PBRM1: variants seen among roughly 807,000 people sequenced by gnomAD.
PBRM1 encodes protein polybromo-1.
Under a neutral mutation model 194.5 loss-of-function variants are expected in PBRM1, and 27 were observed. That is an observed-to-expected ratio of 0.14 (90% confidence interval 0.10 to 0.19). PBRM1 has a LOEUF of 0.19. PBRM1 is among the 10% of genes least tolerant of loss of function. The pLI, the probability that PBRM1 is intolerant of heterozygous loss-of-function variation, is 1.00. For missense variants in PBRM1, 1,466 were observed against 2,077.2 expected (o/e 0.71, Z 5.72); for synonymous variants, 655 against 693.2 (o/e 0.94, Z 0.87).
At chr3:52,644,032 T>C (rs555173150) in intron 8 of PBRM1, among the ~76,000 whole-genome samples, 1 of 152,070 alleles carries the variant, frequency 6.6e-6, no homozygotes, top group East Asian at 1.9e-4. Context: ...GATCTCCTGA[T>C]ACCTGCTAAA....
chr3:52,600,179 G>A (rs2093891821), intron 17 of PBRM1, among the ~76,000 whole-genome samples: 1 of 151,910 alleles, frequency 6.6e-6, no homozygotes, highest in African/African-American at 2.4e-5. Context: ...ATCTATTTGG[G>A]GATCTTTGAC....
At chr3:52,571,120 T>C (rs6788993) in intron 22 of PBRM1, among the ~76,000 whole-genome samples, 63,099 of 145,182 alleles carry the variant, frequency 0.43, 13,363 homozygotes, top group Admixed American at 0.51. Context: ...GTCAAGAGAT[T>C]GAGACCATCC....
intron 13 of PBRM1, among the ~76,000 whole-genome samples, chr3:52,622,640 C>T (rs1183628813): frequency 6.6e-6 from 1 of 152,122 alleles, no homozygotes; most frequent in African/African-American, 2.4e-5. Context: ...CACTATCCTC[C>T]GGAACCCAAC....
chr3:52,658,437 G>C (rs2096652168), intron 4 of PBRM1, 122 bp from the exon 6 acceptor site: 1 of 529,678 alleles, frequency 1.9e-6, no homozygotes. Flanking sequence ...TTGAGATGGA[G>C]AGGCTGGAGT....
At chr3:52,549,836 C>G (rs530013811) in intron 29 of PBRM1, among the ~76,000 whole-genome samples, 1 of 151,258 alleles carries the variant, frequency 6.6e-6, no homozygotes, top group Non-Finnish European at 1.5e-5. Context: ...ACCTGGGGGT[C>G]GGAGGTTGCA....
In PBRM1 at chr3:52,548,236, C is replaced by G; in HGVS notation, c.4898-1G>C. ...GACAAATGGACGTCGCGTCTTCGAG[C>G]TGAAAATTAAAGTACAGAGAGACAG... On this transcript the variant is annotated splice_acceptor_variant, in intron 29 of 29. Transcript: ENST00000296302. LOFTEE classifies it high-confidence loss of function. 1 of 1,570,668 alleles carries G rather than the reference C, an allele frequency of 6.4e-7. No individual in the cohort carries two copies. The highest frequency in any genetic ancestry group is 8.6e-7 in the Non-Finnish European group (1 of 1,164,696).
intron 4 of PBRM1, 48 bp downstream of exon 5, chr3:52,662,085 T>C (rs1577928843): frequency 6.3e-7 from 1 of 1,596,244 alleles, no homozygotes; most frequent in Non-Finnish European, 8.6e-7. Flanking sequence ...AGGGGCCCTC[T>C]CTGCCTTCCA....
intron 2 of PBRM1, 128 bp downstream of exon 3, chr3:52,678,372 G>A: frequency 1.7e-6 from 1 of 601,408 alleles, no homozygotes; most frequent in Admixed American, 3.0e-5. Context: ...AAAGACTAAA[G>A]ACTAAAATTG....
intron 2 of PBRM1, among the ~76,000 whole-genome samples, chr3:52,670,117 AGGG>A (rs1241088210): frequency 2.0e-5 from 3 of 152,216 alleles, no homozygotes; most frequent in Admixed American, 2.0e-4. Flanking sequence ...TCTCAAGCTA[AGGG>A]GACTATCTGT....
exon 22 of PBRM1, chr3:52,576,553 T>A (rs771100470): frequency 6.3e-7 from 1 of 1,599,668 alleles, no homozygotes; most frequent in Non-Finnish European, 8.5e-7. Context: ...AGAATACATG[T>A]CATGGGGCAG....
intron 13 of PBRM1, among the ~76,000 whole-genome samples, chr3:52,620,449 C>T (rs1168668493): frequency 6.6e-6 from 1 of 152,188 alleles, no homozygotes; most frequent in Non-Finnish European, 1.5e-5. Context: ...AAGGCCCTGA[C>T]CTGGACCAGG....
chr3:52,575,508 CT>C (rs1177139118), intron 22 of PBRM1, among the ~76,000 whole-genome samples: 8,509 of 87,028 alleles, frequency 0.098, 91 homozygotes, highest in Middle Eastern at 0.17. Flanking sequence ...AATCAATTGT[CT>C]TTTTTTTTTT....
rs78835394 is a variant in PBRM1 at position 52,566,586 on chromosome 3, A to G, written c.3692-2353T>C. Reference sequence around the variant, plus strand: ...GGACAAATATTGTATGATTCCACTTATATGCAGTATATAGAACAGGCAAAA... The same window carrying G: ...GGACAAATATTGTATGATTCCACTTGTATGCAGTATATAGAACAGGCAAAA... On this transcript the variant is annotated intron_variant, in intron 22 of 29. Transcript: ENST00000296302. 6.9e-3 allele frequency among the ~76,000 whole-genome samples: 1,058 copies of G among 152,328 alleles called. 3 individuals carry two copies. The highest frequency in any genetic ancestry group is 0.024 in the South Asian group (117 of 4,832).
chr3:52,627,341 G>A lies in PBRM1; in HGVS notation c.1473C>T (p.Asp491=), dbSNP rs371979979. 1.4e-5 allele frequency: 22 copies of A among 1,613,162 alleles called. 1 individual carries two copies. Among genetic ancestry groups the A allele is most frequent in the South Asian group, 1.2e-4 (11 of 91,068 alleles). The stretch of plus-strand genomic sequence containing the variant: ...TCATGCTGTCTCCGTCCTCGATATC[G>A]TCTCTCCTGGCAAGCTCTTTCTTCT... The change falls in exon 13 of 30, where the codon GAC becomes GAT. Residue 491 remains aspartate (D), a synonymous_variant. Transcript: ENST00000296302.
exon 5 of PBRM1, chr3:52,658,214 T>C: frequency 6.3e-7 from 1 of 1,584,608 alleles, no homozygotes; most frequent in Non-Finnish European, 8.7e-7. Context: ...TAGAAGGCAG[T>C]TTCTGAAAAA....
intron 22 of PBRM1, among the ~76,000 whole-genome samples, chr3:52,568,574 GTTGT>G (rs1232628895): frequency 1.3e-5 from 2 of 152,002 alleles, no homozygotes; most frequent in Non-Finnish European, 1.5e-5. Context: ...TGGTATCTTT[GTTGT>G]TTAATTTTAT....
At chr3:52,673,766 G>C (rs1475923932) in intron 2 of PBRM1, among the ~76,000 whole-genome samples, 2 of 142,482 alleles carry the variant, frequency 1.4e-5, no homozygotes, top group African/African-American at 5.2e-5. Flanking sequence ...TAAATAGAAA[G>C]GAGGGCCAGT....
intron 29 of PBRM1, 43 bp from the exon 32 acceptor site, chr3:52,548,278 T>G (rs768393935): frequency 2.0e-6 from 3 of 1,491,084 alleles, no homozygotes; most frequent in Non-Finnish European, 2.7e-6. Context: ...GAATTTTAAG[T>G]TGGCAAAATT....
At chr3:52,678,866 CT>C (rs2097157172) in intron 1 of PBRM1, among the ~76,000 whole-genome samples, 1 of 152,194 alleles carries the variant, frequency 6.6e-6, no homozygotes, top group Non-Finnish European at 1.5e-5. Context: ...CACTTTCTTG[CT>C]TAAAGTCATC....
Sources: allele counts gnomAD v4.1 joint callset (sites outside exome capture counted in the v4.1 genomes callset), GRCh38; gene constraint gnomAD v4.1.1; transcripts MANE v1.5; gene names NCBI Gene and HGNC (gene_info 2026-07-23, HGNC 2026-07-21).